SATL1: variants seen among roughly 807,000 people sequenced by gnomAD.
SATL1 encodes the protein spermidine/spermine N1-acetyl transferase like 1.
A neutral mutation model predicts 51.8 loss-of-function variants in SATL1; 47 were observed. The observed-to-expected ratio is 0.91, with a 90% CI of 0.72 to 1.16. The LOEUF (loss-of-function observed/expected upper bound fraction) is 1.16, where lower values mean the gene tolerates loss of function less well. SATL1 is among the 50% of genes most tolerant of loss of function. The pLI is 0.00. For synonymous variants in SATL1, 176 were observed against 182.4 expected (o/e 0.97, Z 0.28); for missense variants, 520 against 526.4 (o/e 0.99, Z 0.12).
At chrX:85,147,133 C>A (rs768399659) in intron 2 of SATL1, among the ~76,000 whole-genome samples, 1 of 114,589 alleles carries the variant, frequency 8.7e-6, no homozygotes, top group East Asian at 2.7e-4. Flanking sequence ...TGTGCTTTTC[C>A]GACGGGCTTA....
At chrX:85,222,399 T>C (rs1467889150) in intron 2 of SATL1, among the ~76,000 whole-genome samples, 2 of 111,994 alleles carry the variant, frequency 1.8e-5, no homozygotes, top group African/African-American at 3.2e-5. Context: ...AAAGGTTTCT[T>C]CCGTAGGTGC....
intron 2 of SATL1, among the ~76,000 whole-genome samples, chrX:85,184,875 C>A (rs182876099): frequency 1.8e-5 from 2 of 111,940 alleles, no homozygotes; most frequent in Non-Finnish European, 3.8e-5. Context: ...CCTGAATGGT[C>A]TCTGCATGTG....
intron 2 of SATL1, chrX:85,153,673 A>C (rs745883714): frequency 1.8e-5 from 2 of 111,808 alleles, no homozygotes; most frequent in Non-Finnish European, 3.8e-5. Flanking sequence ...AAGGGACACC[A>C]TTTGTTTTTT....
intron 7 of SATL1, chrX:85,092,789 T>C: frequency 2.8e-6 from 1 of 358,795 alleles, no homozygotes; most frequent in Non-Finnish European, 4.8e-6. Flanking sequence ...GCAAAGCCTT[T>C]ATCATACAGA....
chrX:85,145,803 G>A (rs933458613), intron 2 of SATL1, among the ~76,000 whole-genome samples: 1 of 111,304 alleles, frequency 9.0e-6, no homozygotes, highest in African/African-American at 3.3e-5. Flanking sequence ...ACTTTCTGTG[G>A]TTTCAGTTAC....
rs377265885 is a variant in SATL1 at position 85,189,587 on chromosome X, C to T, written c.-313+34618G>A. 1.3e-4 allele frequency among the ~76,000 whole-genome samples: 15 copies of T among 111,936 alleles called. No homozygotes were observed. In the East Asian group the frequency reaches 3.7e-3, roughly 27 times the overall value. On this transcript the variant is annotated intron_variant, in intron 2 of 7. Coordinates refer to ENST00000644105, the MANE Select transcript of SATL1 (RefSeq NM_001367857.2). ...TGAATCTACTATTTTAAAACCTCCC[C>T]TCTCAGATAAAAATTCTCTGTGAAA...
intron 2 of SATL1, among the ~76,000 whole-genome samples, chrX:85,112,791 T>C (rs1925289252): frequency 9.0e-6 from 1 of 111,217 alleles, no homozygotes; most frequent in Non-Finnish European, 1.9e-5. Flanking sequence ...CTGCCTTTCC[T>C]GGTGCCAGCT....
intron 2 of SATL1, among the ~76,000 whole-genome samples, chrX:85,222,893 A>G (rs1353187882): frequency 8.9e-6 from 1 of 112,191 alleles, no homozygotes; most frequent in East Asian, 2.8e-4. Context: ...TTCTTAAAAA[A>G]TGAAATATTC....
chrX:85,163,356 A>C (rs899657895), intron 2 of SATL1, among the ~76,000 whole-genome samples: 3 of 110,081 alleles, frequency 2.7e-5, no homozygotes, highest in African/African-American at 9.9e-5. Flanking sequence ...GTGAGCTCAG[A>C]TTTTCTATTT....
rs1220187066 is a variant in SATL1 at position 85,092,351 on chromosome X, G to C, written c.*40C>G. 3 of 1,140,209 alleles carry C rather than the reference G, an allele frequency of 2.6e-6. No individual in the cohort carries two copies. Among genetic ancestry groups the C allele is most frequent in the Admixed American group, 2.9e-5 (1 of 34,293 alleles). The allele number at this position is 1,140,209 out of a possible 1,213,427, so 94.0% of individuals were successfully genotyped here. On this transcript the variant is annotated 3_prime_UTR_variant, in exon 8 of 8. Transcript: ENST00000644105. Reference sequence around the variant, plus strand: ...TGTTAGACTCAGGTGACAGTCAAATGTTGGAGGCTGTGTTGGGATGAGTTG... The same window carrying C: ...TGTTAGACTCAGGTGACAGTCAAATCTTGGAGGCTGTGTTGGGATGAGTTG...
intron 2 of SATL1, among the ~76,000 whole-genome samples, chrX:85,187,950 T>A (rs745533791): frequency 1.3e-3 from 139 of 111,061 alleles, no homozygotes; most frequent in African/African-American, 4.3e-3. Flanking sequence ...CCTTTTAAAT[T>A]CTCCTAGAAG....
chrX:85,106,440 A>G (rs961642688), intron 3 of SATL1, among the ~76,000 whole-genome samples: 1 of 112,306 alleles, frequency 8.9e-6, no homozygotes, highest in Non-Finnish European at 1.9e-5. Context: ...ACTTGGCCTG[A>G]TTTAGATAAG....
chrX:85,108,904 G>A lies in SATL1; in HGVS notation c.65C>T (p.Pro22Leu), dbSNP rs1260479742. 5.0e-6 allele frequency: 6 copies of A among 1,211,116 alleles called. No individual in the cohort carries two copies. The South Asian group carries it at 1.1e-4, about 21-fold the overall frequency. ...SDSNQAGINQPSTNSLGMNQM... is the reference protein window; with the variant it reads ...SDSNQAGINQLSTNSLGMNQM... ...GTTCATACCAAGTGAGTTTGTGCTTGGCTGGTTTATGCCTGCTTGGTTCGA... is the reference window on the plus strand; with the variant it reads ...GTTCATACCAAGTGAGTTTGTGCTTAGCTGGTTTATGCCTGCTTGGTTCGA... The change falls in exon 3 of 8, where the codon CCA becomes CTA. Residue 22 changes from proline (P) to leucine (L), a missense_variant. Pro to Leu is a moderately conservative substitution (Grantham distance 98). Around this residue, in one of 3 missense-constraint regions of SATL1, gnomAD observed 22 missense variants for 23.8 expected, o/e 0.92. Transcript: ENST00000644105.
Position 85,152,434 on chromosome X carries a change from A to C in SATL1, c.-312-43154T>G, listed in dbSNP as rs761845468. 8.9e-5 allele frequency among the ~76,000 whole-genome samples: 10 copies of C among 111,883 alleles called. No homozygotes were observed. In the East Asian group the frequency reaches 2.8e-3, roughly 32 times the overall value. On this transcript the variant is annotated intron_variant, in intron 2 of 7. Transcript: ENST00000644105. Reference sequence around the variant, plus strand: ...CGATTCCTCAGGGATCTAGAACTAGAAATACCATTTGACCCAGCCATCCCA... The same window carrying C: ...CGATTCCTCAGGGATCTAGAACTAGCAATACCATTTGACCCAGCCATCCCA...
At chrX:85,150,729 A>G (rs1452376462) in intron 2 of SATL1, among the ~76,000 whole-genome samples, 1 of 111,051 alleles carries the variant, frequency 9.0e-6, no homozygotes, top group Non-Finnish European at 1.9e-5. Context: ...TGATTATCTC[A>G]ATAGATGCAG....
chrX:85,174,222 C>T (rs1489837841), intron 2 of SATL1, among the ~76,000 whole-genome samples: 3 of 110,091 alleles, frequency 2.7e-5, no homozygotes, highest in African/African-American at 6.6e-5. Flanking sequence ...TGAATAGTGC[C>T]GCAATAAACA....
At chrX:85,234,103 T>G (rs750531316) in intron 1 of SATL1, among the ~76,000 whole-genome samples, 1 of 111,614 alleles carries the variant, frequency 9.0e-6, no homozygotes, top group Non-Finnish European at 1.9e-5. Context: ...AGAAGACTTT[T>G]CAGTGGAAAC....
At chrX:85,151,753 T>C (rs1391969966) in intron 2 of SATL1, among the ~76,000 whole-genome samples, 2 of 111,667 alleles carry the variant, frequency 1.8e-5, no homozygotes, top group Non-Finnish European at 3.8e-5. Context: ...CTGGGAAAAC[T>C]GGCTAGCCAT....
intron 2 of SATL1, among the ~76,000 whole-genome samples, chrX:85,140,772 A>G (rs1926089765): frequency 8.9e-6 from 1 of 111,845 alleles, no homozygotes. Flanking sequence ...CAGAATATTT[A>G]CGTTATATCC....
Sources: allele counts gnomAD v4.1 joint callset (sites outside exome capture counted in the v4.1 genomes callset), GRCh38; gene constraint gnomAD v4.1.1; regional missense constraint gnomAD v4.1.1; transcripts MANE v1.5; gene names NCBI Gene and HGNC (gene_info 2026-07-23, HGNC 2026-07-21).